MGAT4D: variants seen among roughly 807,000 people sequenced by gnomAD.
The protein encoded by MGAT4D is alpha-1,3-mannosyl-glycoprotein 4-beta-N-acetylglucosaminyltransferase-like protein MGAT4D.
In MGAT4D, 34 loss-of-function variants were observed where a neutral mutation model predicts 15.9. That is an observed-to-expected ratio of 2.14 (90% CI 1.62 to 2.84). MGAT4D has a LOEUF of 2.84. MGAT4D is among the 30% of genes most tolerant of loss of function. The pLI, the probability that MGAT4D is intolerant of heterozygous loss-of-function variation, is 0.00. For synonymous variants in MGAT4D, 112 were observed against 48.2 expected, an observed-to-expected ratio of 2.33 and a Z score of -5.49; for missense variants, 327 against 140.2, an observed-to-expected ratio of 2.33 and a Z score of -6.73.
intron 6 of MGAT4D, 38 bp from the exon 7 acceptor site, chr4:140,462,042 T>C (rs1441564631): frequency 2.9e-6 from 2 of 686,134 alleles, no homozygotes; most frequent in African/African-American, 3.5e-5. Flanking sequence ...TATTTGTCAT[T>C]ATTAATTTTT....
At chr4:140,487,173 T>C (rs115710602) in intron 1 of MGAT4D, among the ~76,000 whole-genome samples, 1,956 of 152,366 alleles carry the variant, frequency 0.013, 40 homozygotes, top group African/African-American at 0.044. Context: ...ATTTAAAATA[T>C]TGAAATTACT....
At chr4:140,495,483 G>A (rs1733776777) in intron 1 of MGAT4D, among the ~76,000 whole-genome samples, 2 of 152,138 alleles carry the variant, frequency 1.3e-5, no homozygotes, top group Non-Finnish European at 2.9e-5. Context: ...TAAACTCATT[G>A]AGTCTTTCAT....
At chr4:140,486,358 A>G (rs1423851899) in intron 1 of MGAT4D, among the ~76,000 whole-genome samples, 3 of 151,912 alleles carry the variant, frequency 2.0e-5, no homozygotes, top group African/African-American at 7.3e-5. Flanking sequence ...CCTTATTATT[A>G]TTTTTTTAAT....
intron 6 of MGAT4D, among the ~76,000 whole-genome samples, chr4:140,463,073 C>A (rs1020475803): frequency 6.6e-6 from 1 of 152,076 alleles, no homozygotes; most frequent in African/African-American, 2.4e-5. Flanking sequence ...ACCTGAAAAT[C>A]CAGAACACGA....
intron 10 of MGAT4D, among the ~76,000 whole-genome samples, chr4:140,443,655 C>G (rs948667856): frequency 1.3e-5 from 2 of 152,012 alleles, no homozygotes; most frequent in Non-Finnish European, 2.9e-5. Context: ...AATACTCTTA[C>G]GTTGTTAAAA....
chr4:140,467,519 A>C (rs1216444057), intron 5 of MGAT4D, among the ~76,000 whole-genome samples: 1 of 152,182 alleles, frequency 6.6e-6, no homozygotes, highest in East Asian at 1.9e-4. Flanking sequence ...CTTTGATGAT[A>C]TAATTCCCCA....
chr4:140,467,495 C>A (rs12646497), intron 5 of MGAT4D, among the ~76,000 whole-genome samples: 29,374 of 151,916 alleles, frequency 0.19, 2,907 homozygotes, highest in South Asian at 0.28. Flanking sequence ...CCAAAAGTTA[C>A]GTTACAATTT....
At chr4:140,465,460 T>A (rs1022949968) in intron 5 of MGAT4D, among the ~76,000 whole-genome samples, 2 of 152,218 alleles carry the variant, frequency 1.3e-5, no homozygotes, top group Admixed American at 6.5e-5. Context: ...CAGACTCTTG[T>A]CCACCACTCA....
At chr4:140,492,154 A>G (rs188972108) in intron 1 of MGAT4D, among the ~76,000 whole-genome samples, 190 of 152,020 alleles carry the variant, frequency 1.2e-3, no homozygotes, top group Middle Eastern at 3.4e-3. Flanking sequence ...TGTGGGGGGG[A>G]AAATGTATAA....
At position 140,474,963 on chromosome 4, in the gene MGAT4D, A is replaced by G; in HGVS notation, c.392-17T>C. On this transcript the variant is annotated splice_polypyrimidine_tract_variant and intron_variant, in intron 3 of 10. Coordinates refer to ENST00000511113, the MANE Select transcript of MGAT4D (RefSeq NM_001277353.2). ...CAAAAGAAACTGTGGACATAGGAGT[A>G]TGAAATCATCATTCCATACCACAGA... 1 of 652,908 alleles carries G rather than the reference A, an allele frequency of 1.5e-6. No individual in the cohort carries two copies. Among genetic ancestry groups the G allele is most frequent in the Non-Finnish European group, 2.7e-6 (1 of 364,344 alleles). The allele number at this position is 652,908 out of a possible 1,614,324, so 40.4% of individuals were successfully genotyped here. A position where few individuals can be genotyped will look rare whatever the true frequency, so the allele number is the denominator to read the frequency against.
chr4:140,469,032 A>G (rs1731737894), intron 5 of MGAT4D, among the ~76,000 whole-genome samples: 1 of 152,124 alleles, frequency 6.6e-6, no homozygotes, highest in Non-Finnish European at 1.5e-5. Context: ...TCTCTACTGC[A>G]GCACAAGTAA....
rs1732883349 is a variant in MGAT4D at position 140,483,518 on chromosome 4, T to G, written c.95-1033A>C. ...TTCACAGAAACAGAAAAACAACCCC[T>G]GCAATTCATATGAAACCACAAAAGA... On this transcript the variant is annotated intron_variant, in intron 1 of 10. Transcript: ENST00000511113. 4.6e-5 allele frequency among the ~76,000 whole-genome samples: 7 copies of G among 152,032 alleles called. 1 individual carries two copies.
intron 4 of MGAT4D, among the ~76,000 whole-genome samples, chr4:140,472,842 T>C (rs1732057257): frequency 6.6e-6 from 1 of 152,184 alleles, no homozygotes; most frequent in Non-Finnish European, 1.5e-5. Context: ...ATTATGTGCA[T>C]ACTTTCTTTT....
At chr4:140,473,068 T>C (rs1732076535) in intron 4 of MGAT4D, among the ~76,000 whole-genome samples, 1 of 152,254 alleles carries the variant, frequency 6.6e-6, no homozygotes, top group South Asian at 2.1e-4. Flanking sequence ...ATATTGATGA[T>C]ATCTTTATAT....
At chr4:140,472,391 G>A (rs1055279743) in intron 4 of MGAT4D, among the ~76,000 whole-genome samples, 1 of 152,052 alleles carries the variant, frequency 6.6e-6, no homozygotes, top group Non-Finnish European at 1.5e-5. Flanking sequence ...ACCCTCTTGG[G>A]ATAATTTTTA....
At chr4:140,449,829 G>A (rs905456682) in intron 10 of MGAT4D, 1 of 166,572 alleles carries the variant, frequency 6.0e-6, no homozygotes, top group South Asian at 2.0e-4. Flanking sequence ...TTACCCAAAA[G>A]TTTTTTAAAA....
rs763306652 is a variant in MGAT4D at position 140,498,240 on chromosome 4, G to A, written c.-18C>T. The stretch of plus-strand genomic sequence containing the variant: ...GTCCTCATGGCCCTGGCCAGGCTGC[G>A]GGAGGCCGGCGGGTGGAGGCGGCGG... On this transcript the variant is annotated 5_prime_UTR_variant, in exon 1 of 11. Coordinates refer to ENST00000511113, the MANE Select transcript of MGAT4D (RefSeq NM_001277353.2). 139 of 700,766 alleles carry A rather than the reference G, an allele frequency of 2.0e-4. 2 individuals are homozygous for A. Among genetic ancestry groups the A allele is most frequent in the Middle Eastern group, 2.3e-4 (1 of 4,386 alleles). 43.4% of individuals were successfully genotyped at this position (700,766 alleles called of 1,614,324 possible). A position where few individuals can be genotyped will look rare whatever the true frequency, so the allele number is the denominator to read the frequency against.
chr4:140,484,766 G>A (rs1732986775), intron 1 of MGAT4D, among the ~76,000 whole-genome samples: 2 of 152,320 alleles, frequency 1.3e-5, no homozygotes, highest in African/African-American at 4.8e-5. Context: ...CTTCTCAGAA[G>A]AAGACATTTA....
chr4:140,484,956 C>G (rs975527934), intron 1 of MGAT4D, among the ~76,000 whole-genome samples: 42 of 152,160 alleles, frequency 2.8e-4, no homozygotes, highest in Non-Finnish European at 5.3e-4. Flanking sequence ...GTTGGTGGGA[C>G]TGTAAACTAG....
Sources: gnomAD v4.1 joint callset for allele counts (sites outside exome capture counted in the v4.1 genomes callset) on GRCh38, gnomAD v4.1.1 for gene constraint, MANE v1.5 for transcripts, NCBI Gene and HGNC (gene_info 2026-07-23, HGNC 2026-07-21) for gene names.